The following ASIC2 variants were observed in gnomAD, a reference collection of about 807,000 sequenced individuals.
The protein encoded by ASIC2 is acid sensing ion channel subunit 2.
Under a neutral mutation model 57.3 loss-of-function variants are expected in ASIC2, and 25 were observed. The ratio of observed to expected loss-of-function variants is 0.44; its 90% CI spans 0.32 to 0.61. The LOEUF (loss-of-function observed/expected upper bound fraction) is 0.61. ASIC2 is among the 20% of genes least tolerant of loss of function. The probability of loss-of-function intolerance (pLI) is 0.06; values close to 1 mark genes in which losing one functional copy is unlikely to be tolerated. For synonymous variants in ASIC2, 319 were observed against 307.5 expected (o/e 1.04, Z -0.39); for missense variants, 641 against 738.1 (o/e 0.87, Z 1.52).
At chr17:33,141,675 G>A (rs1489812166) in intron 1 of ASIC2, among the ~76,000 whole-genome samples, 1 of 152,176 alleles carries the variant, frequency 6.6e-6, no homozygotes, top group African/African-American at 2.4e-5. Flanking sequence ...GAGGGATGGC[G>A]GTAGCTCCCA....
chr17:34,075,326 G>C (rs947748065), intron 1 of ASIC2, among the ~76,000 whole-genome samples: 2 of 152,160 alleles, frequency 1.3e-5, no homozygotes, highest in Non-Finnish European at 2.9e-5. Flanking sequence ...AATGTCCCAG[G>C]TTTGAGATCA....
At chr17:33,516,401 A>AGT (rs537765098) in intron 1 of ASIC2, among the ~76,000 whole-genome samples, 17 of 147,590 alleles carry the variant, frequency 1.2e-4, no homozygotes, top group Non-Finnish European at 2.3e-4. Flanking sequence ...TGTGTTTGTG[A>AGT]GTGTGAGTGT....
At chr17:33,796,259 A>G (rs1911916655) in intron 1 of ASIC2, among the ~76,000 whole-genome samples, 1 of 152,214 alleles carries the variant, frequency 6.6e-6, no homozygotes, top group Admixed American at 6.5e-5. Context: ...TACACACCAG[A>G]GTGCCACAGA....
chr17:33,938,222 G>C (rs969592195), intron 1 of ASIC2, among the ~76,000 whole-genome samples: 1 of 152,162 alleles, frequency 6.6e-6, no homozygotes. Context: ...GGGGTTACTG[G>C]GGATCAGGGA....
chr17:33,432,308 G>A lies in ASIC2; in HGVS notation c.556-320241C>T, dbSNP rs141991699. On this transcript the variant is annotated intron_variant, in intron 1 of 9. Coordinates refer to the ASIC2 transcript ENST00000359872. ...AGGTGGGAGGATTGCTTGGGCTCAG[G>A]ATTTCGAGACCAGCCTTGGGAACAT... Among the ~76,000 whole-genome samples, 325 of 152,310 alleles carry A rather than the reference G, an allele frequency of 2.1e-3. 1 individual carries two copies. Among genetic ancestry groups the A allele is most frequent in the African/African-American group, 7.3e-3 (305 of 41,578 alleles).
At chr17:33,842,007 A>G (rs1011748479) in intron 1 of ASIC2, among the ~76,000 whole-genome samples, 14 of 152,084 alleles carry the variant, frequency 9.2e-5, no homozygotes, top group African/African-American at 2.9e-4. Context: ...GGAGGGCTAG[A>G]CAACATATCC....
Position 33,517,442 on chromosome 17 carries a change from A to G in ASIC2, c.556-405375T>C, listed in dbSNP as rs1383309330. On this transcript the variant is annotated intron_variant, in intron 1 of 9. Transcript: ENST00000359872. ...TTTGCTGCGTATTAAATTACCCTAC[A>G]CCTTAGCAATTTATAACAAATGGTT... Among the ~76,000 whole-genome samples, 3 of 152,134 alleles carry G rather than the reference A, an allele frequency of 2.0e-5. No individual in the cohort carries two copies. The East Asian group carries it at 5.8e-4, about 29-fold the overall frequency.
intron 1 of ASIC2, among the ~76,000 whole-genome samples, chr17:33,501,782 C>A (rs1421673240): frequency 6.6e-6 from 1 of 152,174 alleles, no homozygotes; most frequent in Non-Finnish European, 1.5e-5. Flanking sequence ...CATAAAAGGC[C>A]ATCCTAAAGA....
chr17:33,799,364 TTC>T (rs1491280297), intron 1 of ASIC2, among the ~76,000 whole-genome samples: 1 of 126,526 alleles, frequency 7.9e-6, no homozygotes, highest in Non-Finnish European at 1.7e-5. Context: ...CTTTCTTTCT[TTC>T]TTTCTTTCTT....
chr17:33,824,044 G>A (rs1912832798), intron 1 of ASIC2, among the ~76,000 whole-genome samples: 1 of 152,066 alleles, frequency 6.6e-6, no homozygotes, highest in African/African-American at 2.4e-5. Context: ...GGCCCAGAAG[G>A]GTGACTTAAA....
intron 1 of ASIC2, among the ~76,000 whole-genome samples, chr17:33,806,255 C>G (rs1033624461): frequency 1.3e-5 from 2 of 152,244 alleles, no homozygotes; most frequent in Admixed American, 6.5e-5. Context: ...AAAACAGACA[C>G]AGACAGTACC....
chr17:33,862,274 A>G (rs1914120875), intron 1 of ASIC2, among the ~76,000 whole-genome samples: 1 of 152,222 alleles, frequency 6.6e-6, no homozygotes, highest in African/African-American at 2.4e-5. Flanking sequence ...GTTACGTTTC[A>G]AGACTGAATG....
rs183217850 is a variant in ASIC2, at chr17:33,911,055, T to C, written c.555+244923A>G. Among the ~76,000 whole-genome samples the C allele has an allele frequency of 1.1e-3, 163 of 152,332 alleles. 1 individual carries two copies. The East Asian group carries it at 0.03, about 28-fold the overall frequency. On this transcript the variant is annotated intron_variant, in intron 1 of 9. Transcript: ENST00000359872. Reference sequence around the variant, plus strand: ...CAGTAAAACCACAGAGGCCCCCATTTAGGCTGGGCCCAGAGCGAGCGCCTA... The same window carrying C: ...CAGTAAAACCACAGAGGCCCCCATTCAGGCTGGGCCCAGAGCGAGCGCCTA...
intron 1 of ASIC2, among the ~76,000 whole-genome samples, chr17:33,690,673 A>G (rs1908334521): frequency 6.6e-6 from 1 of 151,662 alleles, no homozygotes; most frequent in African/African-American, 2.4e-5. Flanking sequence ...AGTCTACCAC[A>G]AGTAGACTTG....
At chr17:33,560,267 T>C (rs1019054576) in intron 1 of ASIC2, among the ~76,000 whole-genome samples, 1 of 152,182 alleles carries the variant, frequency 6.6e-6, no homozygotes, top group East Asian at 1.9e-4. Context: ...AACAGATCGA[T>C]AGCAAGCATA....
chr17:33,908,580 C>T (rs1915397131), intron 1 of ASIC2, among the ~76,000 whole-genome samples: 1 of 152,214 alleles, frequency 6.6e-6, no homozygotes, highest in African/African-American at 2.4e-5. Flanking sequence ...GGCAGTACTT[C>T]CTGCCCTTGA....
chr17:33,420,676 C>T (rs948926276), intron 1 of ASIC2, among the ~76,000 whole-genome samples: 2 of 152,152 alleles, frequency 1.3e-5, no homozygotes, highest in African/African-American at 4.8e-5. Context: ...AGCCAGTCCA[C>T]CCCCCTCCAA....
chr17:33,558,782 G>A (rs2141982157), intron 1 of ASIC2, among the ~76,000 whole-genome samples: 1 of 152,186 alleles, frequency 6.6e-6, no homozygotes, highest in South Asian at 2.1e-4. Flanking sequence ...CCTGCCTGAG[G>A]ACATGATCCT....
chr17:33,698,394 G>T (rs754186069), intron 1 of ASIC2, among the ~76,000 whole-genome samples: 7 of 152,122 alleles, frequency 4.6e-5, no homozygotes, highest in South Asian at 2.1e-4. Flanking sequence ...TGTGTGAAAT[G>T]CTTAGAACAG....
Sources: gnomAD v4.1 joint callset for allele counts (sites outside exome capture counted in the v4.1 genomes callset) on GRCh38, gnomAD v4.1.1 for gene constraint, MANE v1.5 for transcripts, NCBI Gene and HGNC (gene_info 2026-07-23, HGNC 2026-07-21) for gene names.